HEATR1: variants seen among roughly 807,000 people sequenced by gnomAD.
The protein encoded by HEATR1 is HEAT repeat-containing protein 1.
In HEATR1, 77 loss-of-function variants were observed where a neutral mutation model predicts 248.2. The observed-to-expected ratio is 0.31, with a 90% CI of 0.26 to 0.37. The LOEUF is 0.37. Among genes scored for constraint, HEATR1 ranks in the 10% least tolerant of loss-of-function variants. The pLI, the probability that HEATR1 is intolerant of heterozygous loss-of-function variation, is 1.00. For synonymous variants in HEATR1, 897 were observed against 923.1 expected, an observed-to-expected ratio of 0.97 and a Z score of 0.51; for missense variants, 2,420 against 2,504.9, an observed-to-expected ratio of 0.97 and a Z score of 0.72.
At position 236,597,902 on chromosome 1, in the gene HEATR1, G is replaced by A; in HGVS notation, c.579C>T (p.Cys193=). The change falls in exon 5 of 45, where the codon TGC becomes TGT. Residue 193 remains cysteine (C), a synonymous_variant. Transcript: ENST00000366582. ...CCTTCACAGATTTTGTCACCAAACT[G>A]CAAATGAAATCCATGAATCCAAGAT... ...YKDLGFMDFI[C]SLVTKSVKVF... 2 of 1,613,192 alleles carry A rather than the reference G, an allele frequency of 1.2e-6. No individual in the cohort carries two copies. The highest frequency in any genetic ancestry group is 1.7e-6 in the Non-Finnish European group (2 of 1,179,426).
chr1:236,560,505 C>T (rs913428808), intron 33 of HEATR1, among the ~76,000 whole-genome samples: 1 of 152,068 alleles, frequency 6.6e-6, no homozygotes, highest in Non-Finnish European at 1.5e-5. Flanking sequence ...GAGAAGGGGG[C>T]GCAGACAAAA....
At chr1:236,580,165 A>G (rs1192391538) in intron 20 of HEATR1, among the ~76,000 whole-genome samples, 1 of 152,218 alleles carries the variant, frequency 6.6e-6, no homozygotes, top group Non-Finnish European at 1.5e-5. Context: ...TCATTGTTTC[A>G]TGAAATTCTG....
intron 43 of HEATR1, 87 bp downstream of exon 43, chr1:236,553,493 AG>A: frequency 1.6e-6 from 2 of 1,282,038 alleles, no homozygotes; most frequent in Non-Finnish European, 2.2e-6. Flanking sequence ...CCAGTTTACT[AG>A]GGGGCCTACA....
In HEATR1 at chr1:236,575,976, T is replaced by G. The variant is rs960834044; in HGVS notation, c.3084+243A>C. 2.6e-5 allele frequency among the ~76,000 whole-genome samples: 4 copies of G among 152,316 alleles called. No individual in the cohort carries two copies. The South Asian group carries it at 8.3e-4, about 32-fold the overall frequency. The stretch of plus-strand genomic sequence containing the variant: ...ACTGTTAAGTTCATTTAAAATAAAC[T>G]TAATGATTAGACAGGGACAACACAT... On this transcript the variant is annotated intron_variant, in intron 22 of 44. Coordinates refer to ENST00000366582, the MANE Select transcript of HEATR1 (RefSeq NM_018072.6).
chr1:236,594,105 G>A lies in HEATR1; in HGVS notation c.1100C>T (p.Thr367Ile), dbSNP rs1378709347. The A allele has an allele frequency of 3.8e-6, 6 of 1,582,600 alleles. No individual in the cohort carries two copies. Among genetic ancestry groups the A allele is most frequent in the Non-Finnish European group, 5.2e-6 (6 of 1,163,560 alleles). The change falls in exon 9 of 45, where the codon ACT (threonine) becomes ATT (isoleucine). Residue 367 changes from threonine (T) to isoleucine (I), a missense_variant. Coordinates refer to ENST00000366582, the MANE Select transcript of HEATR1 (RefSeq NM_018072.6). ...SIIHHVTGEE[T>I]EGMDGQIYKR... is the part of the protein sequence containing the mutation. ...GTAGATTTGACCATCCATTCCTTCA[G>A]TTTCTTCTCCTTAATATGTAAAAAT...
Position 236,550,887 on chromosome 1 carries a change from A to C in HEATR1, c.*15T>G, listed in dbSNP as rs200460968. 199 of 1,573,038 alleles carry C rather than the reference A, an allele frequency of 1.3e-4. No individual in the cohort carries two copies. Among genetic ancestry groups the C allele is most frequent in the Non-Finnish European group, 1.7e-4 (194 of 1,161,356 alleles). ...GTGTGAACTCTGAGTAGAGTATGAA[A>C]CACCACAGAAAGTCTTAGAAATAGC... On this transcript the variant is annotated 3_prime_UTR_variant, in exon 45 of 45. Coordinates refer to ENST00000366582, the MANE Select transcript of HEATR1 (RefSeq NM_018072.6).
At chr1:236,563,031 A>G (rs1273526399) in intron 32 of HEATR1, among the ~76,000 whole-genome samples, 1 of 152,170 alleles carries the variant, frequency 6.6e-6, no homozygotes. Context: ...GATCTCTCTT[A>G]AGCAAGCTTA....
intron 33 of HEATR1, among the ~76,000 whole-genome samples, chr1:236,560,439 G>T (rs74152012): frequency 1.3e-5 from 2 of 152,180 alleles, no homozygotes; most frequent in African/African-American, 2.4e-5. Flanking sequence ...CCAGCCTGAG[G>T]GGGGAGCTAG....
At chr1:236,600,775 C>T (rs968904103) in intron 3 of HEATR1, among the ~76,000 whole-genome samples, 12 of 151,972 alleles carry the variant, frequency 7.9e-5, no homozygotes, top group African/African-American at 2.7e-4. Flanking sequence ...TCTCAAGTGA[C>T]TGGCCTGCCT....
At chr1:236,556,975 C>T (rs868750003) in intron 37 of HEATR1, among the ~76,000 whole-genome samples, 4 of 152,062 alleles carry the variant, frequency 2.6e-5, no homozygotes, top group South Asian at 2.1e-4. Context: ...AGAAGCATCT[C>T]GCTAAAAAGT....
At chr1:236,570,526 G>A (rs1663399492) in intron 28 of HEATR1, among the ~76,000 whole-genome samples, 1 of 152,096 alleles carries the variant, frequency 6.6e-6, no homozygotes, top group South Asian at 2.1e-4. Context: ...GTTAATGGGT[G>A]TAGGGTTTCT....
intron 29 of HEATR1, among the ~76,000 whole-genome samples, chr1:236,567,778 G>A (rs1360553554): frequency 6.6e-6 from 1 of 152,196 alleles, no homozygotes; most frequent in East Asian, 1.9e-4. Context: ...TGCCAAATAT[G>A]TGACACTGAT....
intron 2 of HEATR1, 125 bp downstream of exon 2, chr1:236,603,829 C>T: frequency 9.7e-7 from 1 of 1,025,728 alleles, no homozygotes; most frequent in Non-Finnish European, 1.4e-6. Flanking sequence ...AAATATACAT[C>T]AACATGCTAG....
rs12029256 is a variant in HEATR1, at chr1:236,568,910, A to C, written c.4077+86T>G. 1.5e-4 allele frequency: 136 copies of C among 898,998 alleles called. 1 individual carries two copies. The highest frequency in any genetic ancestry group is 1.2e-3 in the East Asian group (33 of 27,094). 55.7% of individuals were successfully genotyped at this position (898,998 alleles called of 1,614,324 possible). A position where few individuals can be genotyped will look rare whatever the true frequency, so the allele number is the denominator to read the frequency against. On this transcript the variant is annotated intron_variant, in intron 29 of 44. Transcript: ENST00000366582. ...TAAAAAAAAAAAACAAAAAAAAAAA[A>C]CTAAAAAAAAGGCTTTTAATGTCAT...
intron 43 of HEATR1, 131 bp from the exon 44 acceptor site, chr1:236,552,238 G>T: frequency 1.7e-6 from 1 of 574,616 alleles, no homozygotes; most frequent in Non-Finnish European, 3.1e-6. Context: ...ACTTCATTAT[G>T]TTCATTAAGC....
At chr1:236,575,636 A>C (rs1297732497) in intron 22 of HEATR1, among the ~76,000 whole-genome samples, 1 of 152,236 alleles carries the variant, frequency 6.6e-6, no homozygotes, top group Non-Finnish European at 1.5e-5. Context: ...GGCTCATTTT[A>C]GTTCTCTAAG....
chr1:236,587,272 A>G (rs1189449984), intron 14 of HEATR1, 130 bp downstream of exon 14: 1 of 411,686 alleles, frequency 2.4e-6, no homozygotes, highest in Non-Finnish European at 4.5e-6. Flanking sequence ...TTACAGTAAG[A>G]TCTGTTCTAC....
rs1332382717 is a variant in HEATR1, at chr1:236,549,543, C to A, written c.*1359G>T. On this transcript the variant is annotated 3_prime_UTR_variant, in exon 45 of 45. Coordinates refer to ENST00000366582, the MANE Select transcript of HEATR1 (RefSeq NM_018072.6). The stretch of plus-strand genomic sequence containing the variant: ...TGTCAATCTTATTTTTTTAAAAGTA[C>A]TCAGTGTAGAAATCGCTAGCCCTTA... 6.6e-6 allele frequency: 1 copy of A among 152,182 alleles called. No homozygotes were observed. The highest frequency in any genetic ancestry group is 1.5e-5 in the Non-Finnish European group (1 of 68,040). 9.4% of individuals were successfully genotyped at this position (152,182 alleles called of 1,614,324 possible). A position where few individuals can be genotyped will look rare whatever the true frequency, so the allele number is the denominator to read the frequency against.
chr1:236,570,486 C>G (rs146700749), intron 28 of HEATR1, among the ~76,000 whole-genome samples: 1 of 151,610 alleles, frequency 6.6e-6, no homozygotes, highest in Admixed American at 6.6e-5. Flanking sequence ...ACGGTGGCAG[C>G]GGCAGGGAGG....
Sources: gnomAD v4.1 joint callset for allele counts (sites outside exome capture counted in the v4.1 genomes callset) on GRCh38, gnomAD v4.1.1 for gene constraint, MANE v1.5 for transcripts, NCBI Gene and HGNC (gene_info 2026-07-23, HGNC 2026-07-21) for gene names.